Variants in ZBTB44 observed in about 807,000 individuals in gnomAD.
ZBTB44 encodes zinc finger and BTB domain containing 44.
Under a neutral mutation model 54.0 loss-of-function variants are expected in ZBTB44, and 15 were observed. The observed-to-expected ratio is 0.28, with a 90% CI of 0.19 to 0.43. ZBTB44 has a LOEUF of 0.43. Among genes scored for constraint, ZBTB44 ranks in the 20% least tolerant of loss-of-function variants. ZBTB44 has a pLI of 1.00. For missense variants in ZBTB44, 487 were observed against 707.1 expected (o/e 0.69, Z 3.53); for synonymous variants, 230 against 250.1 (o/e 0.92, Z 0.76).
intron 1 of ZBTB44, among the ~76,000 whole-genome samples, chr11:130,276,267 T>TGTTTCATG (rs970305245): frequency 9.8e-5 from 8 of 81,356 alleles, no homozygotes; most frequent in African/African-American, 3.2e-4. Flanking sequence ...ATCAGAGGTT[T>TGTTTCATG]GTTTCATGGC....
intron 1 of ZBTB44, among the ~76,000 whole-genome samples, chr11:130,300,617 G>C (rs1001588604): frequency 6.6e-6 from 1 of 152,186 alleles, no homozygotes; most frequent in Non-Finnish European, 1.5e-5. Context: ...AGCATAGTAG[G>C]AGTTACTTCA....
intron 2 of ZBTB44, among the ~76,000 whole-genome samples, chr11:130,259,979 C>G (rs1207179018): frequency 1.3e-5 from 2 of 151,546 alleles, no homozygotes; most frequent in East Asian, 3.9e-4. Context: ...CCAGAGAAAA[C>G]AACTATAAAT....
In ZBTB44 at chr11:130,228,185, A is replaced by C. The variant is rs1247665793; in HGVS notation, c.*3579T>G. On this transcript the variant is annotated 3_prime_UTR_variant, in exon 8 of 8. Transcript: ENST00000357899. ...AGTAAACAACAGAAACATTAAATAC[A>C]TTATTGGGAACTTGGACCAAAACCA... The C allele has an allele frequency of 6.6e-6, 1 of 152,198 alleles. No homozygotes were observed. Among genetic ancestry groups the C allele is most frequent in the East Asian group, 1.9e-4 (1 of 5,190 alleles). The allele number at this position is 152,198 out of a possible 1,614,324, so 9.4% of individuals were successfully genotyped here.
rs912449018 is a variant in ZBTB44 at position 130,230,193 on chromosome 11, T to C, written c.*1571A>G. ...TCTTCAAGAATAAAAGCTGATAAAA[T>C]AGATAACTGGCCTCTATTTAGATTA... On this transcript the variant is annotated 3_prime_UTR_variant, in exon 8 of 8. Transcript: ENST00000357899. 5 of 151,978 alleles carry C rather than the reference T, an allele frequency of 3.3e-5. No individual in the cohort carries two copies. Among genetic ancestry groups the C allele is most frequent in the African/African-American group, 1.2e-4 (5 of 41,432 alleles). The allele number at this position is 151,978 out of a possible 1,614,324, so 9.4% of individuals were successfully genotyped here. A position where few individuals can be genotyped will look rare whatever the true frequency, so the allele number is the denominator to read the frequency against.
At chr11:130,301,119 G>A (rs1300578585) in intron 1 of ZBTB44, among the ~76,000 whole-genome samples, 1 of 152,124 alleles carries the variant, frequency 6.6e-6, no homozygotes, top group Non-Finnish European at 1.5e-5. Context: ...TAGATAGGTA[G>A]AAGGAAATGG....
At chr11:130,250,846 C>T (rs561832231) in intron 2 of ZBTB44, among the ~76,000 whole-genome samples, 26 of 152,286 alleles carry the variant, frequency 1.7e-4, no homozygotes, top group African/African-American at 6.0e-4. Context: ...AAAACCAGCA[C>T]AAAAATGCTG....
intron 1 of ZBTB44, among the ~76,000 whole-genome samples, chr11:130,301,550 G>A (rs2134453393): frequency 6.6e-6 from 1 of 152,250 alleles, no homozygotes. Flanking sequence ...TGTGGTCCCA[G>A]CTACTTGGGA....
chr11:130,249,836 T>C (rs1214557961), intron 2 of ZBTB44, among the ~76,000 whole-genome samples: 3 of 152,182 alleles, frequency 2.0e-5, no homozygotes, highest in Admixed American at 1.3e-4. Flanking sequence ...GGCGGCTGTT[T>C]GGGCAGACAC....
Position 130,294,538 on chromosome 11 carries a change from C to CAAAAA in ZBTB44, c.-57+19832_-57+19836dup, listed in dbSNP as rs11322495. Among the ~76,000 whole-genome samples the CAAAAA allele has an allele frequency of 1.0e-3, 49 of 48,652 alleles. 5 individuals are homozygous for CAAAAA. Among genetic ancestry groups the CAAAAA allele is most frequent in the East Asian group, 1.8e-3 (2 of 1,132 alleles). 31.9% of individuals were successfully genotyped at this position (48,652 alleles called of 152,430 possible). ...GGATTTACACAAAGGTCTATATGAC[C>CAAAAA]AAAAAAAAAAAAAAAAAAAAAAAAA... On this transcript the variant is annotated intron_variant, in intron 1 of 7. Coordinates refer to ENST00000357899, the MANE Select transcript of ZBTB44 (RefSeq NM_001301098.2).
chr11:130,250,282 A>G (rs1937894668), intron 2 of ZBTB44, among the ~76,000 whole-genome samples: 1 of 152,134 alleles, frequency 6.6e-6, no homozygotes, highest in Non-Finnish European at 1.5e-5. Flanking sequence ...TATAGATAAA[A>G]ATCCCATCTC....
chr11:130,255,212 TTAAAG>T (rs1315420875), intron 2 of ZBTB44, among the ~76,000 whole-genome samples: 12 of 152,116 alleles, frequency 7.9e-5, no homozygotes, highest in African/African-American at 2.7e-4. Flanking sequence ...TCCCTAGAAC[TTAAAG>T]TATAGTAAAT....
At position 130,227,772 on chromosome 11, in the gene ZBTB44, A is replaced by G. The variant is rs918486688; in HGVS notation, c.*3992T>C. On this transcript the variant is annotated 3_prime_UTR_variant, in exon 8 of 8. Transcript: ENST00000357899. Reference sequence around the variant, plus strand: ...ACAAAATTTTATTTAAAAAATTGTTACATCAAAATTTTTTTCCTTCAAATC... The same window carrying G: ...ACAAAATTTTATTTAAAAAATTGTTGCATCAAAATTTTTTTCCTTCAAATC... 6.6e-6 allele frequency: 1 copy of G among 152,226 alleles called. No homozygotes were observed. The highest frequency in any genetic ancestry group is 6.5e-5 in the Admixed American group (1 of 15,284). The allele number at this position is 152,226 out of a possible 1,614,324, so 9.4% of individuals were successfully genotyped here. A position where few individuals can be genotyped will look rare whatever the true frequency, so the allele number is the denominator to read the frequency against.
chr11:130,296,325 A>C, intron 1 of ZBTB44: 5 of 1,522,160 alleles, frequency 3.3e-6, no homozygotes, highest in Non-Finnish European at 4.4e-6. Context: ...GAACCGAAAG[A>C]AGCTCGTGGT....
chr11:130,304,448 T>C (rs1942158667), intron 1 of ZBTB44, among the ~76,000 whole-genome samples: 1 of 152,204 alleles, frequency 6.6e-6, no homozygotes, highest in Non-Finnish European at 1.5e-5. Context: ...GAGGGAACCC[T>C]CTTTACAACA....
chr11:130,283,509 G>C (rs1940692934), intron 1 of ZBTB44, among the ~76,000 whole-genome samples: 1 of 151,960 alleles, frequency 6.6e-6, no homozygotes, highest in Admixed American at 6.5e-5. Context: ...CTTTATTTTG[G>C]CATGATCACT....
rs571573668 is a variant in ZBTB44, at chr11:130,261,982, T to G, written c.-56-53A>C. The G allele has an allele frequency of 3.1e-6, 4 of 1,282,784 alleles. No individual in the cohort carries two copies. The South Asian group carries it at 6.4e-5, about 21-fold the overall frequency. 79.5% of individuals were successfully genotyped at this position (1,282,784 alleles called of 1,614,324 possible). A position where few individuals can be genotyped will look rare whatever the true frequency, so the allele number is the denominator to read the frequency against. ...ATTGATATTTTAGTGGTTTAAAATG[T>G]GATTTAGATCATTTTCATGTGGCCA... On this transcript the variant is annotated intron_variant, in intron 1 of 7. Coordinates refer to ENST00000357899, the MANE Select transcript of ZBTB44 (RefSeq NM_001301098.2). The surrounding 1 kb of genome is among the most constrained non-coding windows in gnomAD (Gnocchi z 4.8).
chr11:130,284,563 C>A (rs1458822660), intron 1 of ZBTB44, among the ~76,000 whole-genome samples: 1 of 152,130 alleles, frequency 6.6e-6, no homozygotes, highest in Non-Finnish European at 1.5e-5. Context: ...TAAGAGTCCA[C>A]TACTTTGTAC....
chr11:130,302,699 C>T (rs116178186), intron 1 of ZBTB44, among the ~76,000 whole-genome samples: 1,700 of 152,310 alleles, frequency 0.011, 40 homozygotes, highest in African/African-American at 0.039. Context: ...GAGGGCCGGG[C>T]GTGATGGCTC....
chr11:130,264,872 C>A (rs1158469510), intron 1 of ZBTB44, among the ~76,000 whole-genome samples: 1 of 152,184 alleles, frequency 6.6e-6, no homozygotes, highest in Non-Finnish European at 1.5e-5. Context: ...AGCAAGTCTA[C>A]TGGTGCCACT....
Sources: gnomAD v4.1 joint callset for allele counts (sites outside exome capture counted in the v4.1 genomes callset) on GRCh38, gnomAD v4.1.1 for gene constraint, Gnocchi (gnomAD v3.1) non-coding constraint, MANE v1.5 for transcripts, NCBI Gene and HGNC (gene_info 2026-07-23, HGNC 2026-07-21) for gene names.